The following PIK3C2G variants were observed in gnomAD, a reference collection of about 807,000 sequenced individuals.
PIK3C2G encodes phosphatidylinositol-4-phosphate 3-kinase catalytic subunit type 2 gamma.
Under a neutral mutation model 181.1 loss-of-function variants are expected in PIK3C2G, and 168 were observed. The ratio of observed to expected loss-of-function variants is 0.93; its 90% CI spans 0.82 to 1.05. The LOEUF (loss-of-function observed/expected upper bound fraction) is 1.05, where lower values mean the gene tolerates loss of function less well. Ranked by LOEUF, PIK3C2G falls within the 50% of genes least tolerant of loss-of-function variation. The pLI, the probability that PIK3C2G is intolerant of heterozygous loss-of-function variation, is 0.00. For missense variants in PIK3C2G, 1,869 were observed against 1,732.8 expected (o/e 1.08, Z -1.40); for synonymous variants, 573 against 592.2 (o/e 0.97, Z 0.47).
At chr12:18,403,881 A>G (rs927809233) in intron 16 of PIK3C2G, among the ~76,000 whole-genome samples, 1 of 152,148 alleles carries the variant, frequency 6.6e-6, no homozygotes, top group Non-Finnish European at 1.5e-5. Context: ...CCTCATTCCC[A>G]GGCACAACTA....
intron 31 of PIK3C2G, among the ~76,000 whole-genome samples, chr12:18,629,673 G>A: frequency 6.6e-6 from 1 of 152,038 alleles, no homozygotes; most frequent in Non-Finnish European, 1.5e-5. Flanking sequence ...TTTAGAAGTG[G>A]AGCATTGAGA....
At chr12:18,343,274 A>AT in intron 9 of PIK3C2G, 53 bp from the exon 10 acceptor site, 2 of 934,396 alleles carry the variant, frequency 2.1e-6, no homozygotes, top group Non-Finnish European at 3.3e-6. Context: ...CTATTTGACT[A>AT]TTTTGTGAAT....
intron 18 of PIK3C2G, among the ~76,000 whole-genome samples, chr12:18,477,404 A>G (rs938756225): frequency 6.6e-6 from 1 of 152,180 alleles, no homozygotes; most frequent in Admixed American, 6.5e-5. Context: ...TGATAGAGTG[A>G]AAAGGACAAT....
At chr12:18,480,310 A>G (rs1939428920) in intron 18 of PIK3C2G, among the ~76,000 whole-genome samples, 1 of 152,158 alleles carries the variant, frequency 6.6e-6, no homozygotes. Context: ...AAAATGATAA[A>G]TAAAATAACT....
chr12:18,525,618 T>G (rs1315533353), intron 24 of PIK3C2G, among the ~76,000 whole-genome samples: 1 of 152,146 alleles, frequency 6.6e-6, no homozygotes, highest in Non-Finnish European at 1.5e-5. Context: ...TGTGTGTCCT[T>G]CTTCTCAATT....
the PIK3C2G span, chr12:18,713,917 CA>C: frequency 6.6e-6 from 1 of 152,150 alleles, no homozygotes; most frequent in Non-Finnish European, 1.5e-5. Context: ...AATTAATTTT[CA>C]GTGTTCATAC....
At chr12:18,410,122 A>G (rs1309358092) in intron 16 of PIK3C2G, among the ~76,000 whole-genome samples, 4 of 152,244 alleles carry the variant, frequency 2.6e-5, no homozygotes, top group East Asian at 1.9e-4. Context: ...GCTCAGTTCT[A>G]TGTTTCTGTC....
At chr12:18,600,005 T>A (rs7316758) in intron 30 of PIK3C2G, among the ~76,000 whole-genome samples, 30,653 of 151,828 alleles carry the variant, frequency 0.2, 3,092 homozygotes, top group South Asian at 0.22. Context: ...GGATACTCTA[T>A]TTCACATCTT....
intron 10 of PIK3C2G, among the ~76,000 whole-genome samples, chr12:18,345,330 T>A (rs549588424): frequency 6.6e-6 from 1 of 152,206 alleles, no homozygotes; most frequent in Non-Finnish European, 1.5e-5. Flanking sequence ...GAATTTTAAT[T>A]ACAGGTTTTC....
rs750350627 is a variant in PIK3C2G, at chr12:18,647,881, A to T, written c.4314A>T (p.Val1438=). ...CTDPTYNEIV[V]YDEVTELQGH... is the part of the protein sequence containing the mutation. Reference sequence around the variant, plus strand: ...ATTATTTTCTCCGTTTTTAGGTAGTATATGATGAAGTCACAGAGCTCCAAG... The same window carrying T: ...ATTATTTTCTCCGTTTTTAGGTAGTTTATGATGAAGTCACAGAGCTCCAAG... The change falls in exon 33 of 33, where the codon GTA becomes GTT. Residue 1438 remains valine (V), a synonymous_variant. Transcript: ENST00000538779. 3.2e-6 allele frequency: 5 copies of T among 1,541,880 alleles called. No homozygotes were observed. In the East Asian group the frequency reaches 1.2e-4, roughly 36 times the overall value.
intron 11 of PIK3C2G, chr12:18,358,517 CAAA>C (rs1940952798): frequency 3.6e-6 from 1 of 281,204 alleles, no homozygotes; most frequent in Non-Finnish European, 7.1e-6. Context: ...AGAAAGAGAC[CAAA>C]TTCTGAAATG....
chr12:18,598,476 T>C (rs1947506078), intron 30 of PIK3C2G, among the ~76,000 whole-genome samples: 1 of 151,796 alleles, frequency 6.6e-6, no homozygotes, highest in African/African-American at 2.4e-5. Context: ...AACCCTTCCT[T>C]ACACCTTATA....
chr12:18,542,298 G>A (rs1403763315), intron 25 of PIK3C2G, among the ~76,000 whole-genome samples: 1 of 151,800 alleles, frequency 6.6e-6, no homozygotes, highest in Non-Finnish European at 1.5e-5. Flanking sequence ...AGTGGCTATC[G>A]GGAATGTGTC....
intron 18 of PIK3C2G, among the ~76,000 whole-genome samples, chr12:18,427,995 G>A (rs1945935433): frequency 6.6e-6 from 1 of 152,010 alleles, no homozygotes; most frequent in Non-Finnish European, 1.5e-5. Flanking sequence ...CATGTGTCAT[G>A]GGGATTTATT....
intron 2 of PIK3C2G, among the ~76,000 whole-genome samples, chr12:18,282,982 T>G (rs916947689): frequency 6.6e-6 from 1 of 152,102 alleles, no homozygotes; most frequent in Non-Finnish European, 1.5e-5. Flanking sequence ...CCAGTTCCAG[T>G]TTCATCAAAA....
At chr12:18,410,690 GA>G (rs960671681) in intron 16 of PIK3C2G, among the ~76,000 whole-genome samples, 1 of 152,048 alleles carries the variant, frequency 6.6e-6, no homozygotes, top group African/African-American at 2.4e-5. Flanking sequence ...AATTTGCTTA[GA>G]GAGAGGGAAC....
At chr12:18,305,853 A>AC (rs1369514591) in intron 5 of PIK3C2G, among the ~76,000 whole-genome samples, 3 of 151,678 alleles carry the variant, frequency 2.0e-5, no homozygotes, top group Non-Finnish European at 4.4e-5. Flanking sequence ...CACATACCAT[A>AC]CCCCCCACAA....
intron 14 of PIK3C2G, among the ~76,000 whole-genome samples, chr12:18,385,356 C>A (rs905615731): frequency 6.6e-6 from 1 of 151,958 alleles, no homozygotes; most frequent in Non-Finnish European, 1.5e-5. Context: ...ATGTGCCGAC[C>A]GGAAGCAGTC....
At chr12:18,547,005 A>G (rs966320636) in intron 26 of PIK3C2G, among the ~76,000 whole-genome samples, 1 of 152,016 alleles carries the variant, frequency 6.6e-6, no homozygotes, top group African/African-American at 2.4e-5. Flanking sequence ...TTCTTTTTAA[A>G]TGGATATATA....
Sources: allele counts gnomAD v4.1 joint callset (sites outside exome capture counted in the v4.1 genomes callset), GRCh38; gene constraint gnomAD v4.1.1; transcripts MANE v1.5; gene names NCBI Gene and HGNC (gene_info 2026-07-23, HGNC 2026-07-21).